The following VEPH1 variants were observed in gnomAD, a reference collection of about 807,000 sequenced individuals.
VEPH1 encodes ventricular zone-expressed PH domain-containing protein homolog 1.
A neutral mutation model predicts 85.2 loss-of-function variants in VEPH1; 80 were observed. That is an observed-to-expected ratio of 0.94 (90% CI 0.78 to 1.13). VEPH1 has a LOEUF of 1.13. Ranked by LOEUF, VEPH1 falls within the 50% of genes most tolerant of loss-of-function variation. VEPH1 has a pLI of 0.00. For missense variants in VEPH1, 955 were observed against 980.5 expected (o/e 0.97, Z 0.35); for synonymous variants, 297 against 348.0 (o/e 0.85, Z 1.63).
chr3:157,434,493 G>C (rs1560057935), intron 4 of VEPH1, among the ~76,000 whole-genome samples: 1 of 151,898 alleles, frequency 6.6e-6, no homozygotes, highest in Non-Finnish European at 1.5e-5. Context: ...TAAATTTTTT[G>C]TGCAGATGAG....
At chr3:157,462,359 C>T (rs1396079926) in intron 3 of VEPH1, among the ~76,000 whole-genome samples, 7 of 151,952 alleles carry the variant, frequency 4.6e-5, no homozygotes, top group Non-Finnish European at 7.4e-5. Flanking sequence ...TAAATAGATG[C>T]AAAAGTTAGT....
At chr3:157,468,576 A>AAAT (rs1229982912) in intron 3 of VEPH1, among the ~76,000 whole-genome samples, 13 of 151,950 alleles carry the variant, frequency 8.6e-5, no homozygotes, top group East Asian at 1.9e-4. Context: ...CTCCATCTCA[A>AAAT]AATAATAATA....
At chr3:157,287,549 A>AT (rs144454109) in intron 11 of VEPH1, among the ~76,000 whole-genome samples, 6,585 of 151,212 alleles carry the variant, frequency 0.044, 299 homozygotes, top group South Asian at 0.19. Flanking sequence ...AGCTACATTG[A>AT]TTTTTTTTTA....
At chr3:157,289,682 T>A (rs903914146) in intron 11 of VEPH1, among the ~76,000 whole-genome samples, 1 of 152,228 alleles carries the variant, frequency 6.6e-6, no homozygotes, top group Non-Finnish European at 1.5e-5. Context: ...CCCTTCTGGG[T>A]CCTGCAGCTT....
chr3:157,288,998 CT>C (rs368137486), intron 11 of VEPH1, among the ~76,000 whole-genome samples: 222 of 151,936 alleles, frequency 1.5e-3, no homozygotes, highest in African/African-American at 5.1e-3. Flanking sequence ...GAAAAAAAGA[CT>C]TTTTTTTTAA....
chr3:157,403,446 T>C (rs549122729), intron 6 of VEPH1, among the ~76,000 whole-genome samples: 9 of 152,194 alleles, frequency 5.9e-5, no homozygotes, highest in African/African-American at 2.2e-4. Context: ...TAAAGGATCT[T>C]TTTTTTCTTT....
chr3:157,408,879 G>C (rs1408243116), intron 6 of VEPH1, among the ~76,000 whole-genome samples: 1 of 152,112 alleles, frequency 6.6e-6, no homozygotes, highest in Non-Finnish European at 1.5e-5. Context: ...GAAGTAGACT[G>C]GACAGGTAAG....
At chr3:157,358,245 G>A (rs1403879882) in intron 9 of VEPH1, among the ~76,000 whole-genome samples, 3 of 152,198 alleles carry the variant, frequency 2.0e-5, no homozygotes, top group African/African-American at 4.8e-5. Context: ...AGAGGTGGGA[G>A]CAGGTAAGTA....
At chr3:157,482,343 C>T (rs1738187102) in intron 2 of VEPH1, among the ~76,000 whole-genome samples, 1 of 152,042 alleles carries the variant, frequency 6.6e-6, no homozygotes, top group South Asian at 2.1e-4. Context: ...TATGCCTAAG[C>T]CTCCCAAAAT....
intron 6 of VEPH1, among the ~76,000 whole-genome samples, chr3:157,382,362 C>T (rs940022674): frequency 1.3e-5 from 2 of 152,124 alleles, no homozygotes; most frequent in Non-Finnish European, 2.9e-5. Context: ...TAAAACTCCT[C>T]ATTAGCCATA....
intron 11 of VEPH1, among the ~76,000 whole-genome samples, chr3:157,295,411 A>G (rs1179902613): frequency 6.6e-6 from 1 of 152,070 alleles, no homozygotes; most frequent in Non-Finnish European, 1.5e-5. Context: ...CATTCTGGGC[A>G]ACAGAGCAAG....
chr3:157,489,924 GA>G (rs1276082113), intron 2 of VEPH1, among the ~76,000 whole-genome samples: 1 of 151,010 alleles, frequency 6.6e-6, no homozygotes. Context: ...AATAGAATTG[GA>G]AAATATAATT....
At chr3:157,264,784 T>C (rs1458621790) in intron 13 of VEPH1, among the ~76,000 whole-genome samples, 1 of 152,198 alleles carries the variant, frequency 6.6e-6, no homozygotes, top group Non-Finnish European at 1.5e-5. Flanking sequence ...ATTATGATTA[T>C]TTTCTAAAAT....
At chr3:157,284,997 C>T (rs1716591482) in intron 12 of VEPH1, 1 of 152,166 alleles carries the variant, frequency 6.6e-6, no homozygotes, top group Non-Finnish European at 1.5e-5. Flanking sequence ...TGAGGCCTCC[C>T]TTGGCCAGAT....
At chr3:157,286,953 T>G (rs1716862143) in intron 11 of VEPH1, among the ~76,000 whole-genome samples, 1 of 152,176 alleles carries the variant, frequency 6.6e-6, no homozygotes, top group Non-Finnish European at 1.5e-5. Flanking sequence ...GCCCAGAATT[T>G]TCTTGCATCT....
chr3:157,378,078 A>G (rs1216707472), intron 7 of VEPH1, among the ~76,000 whole-genome samples: 3 of 152,024 alleles, frequency 2.0e-5, no homozygotes, highest in Non-Finnish European at 4.4e-5. Flanking sequence ...GAAGACACAC[A>G]GTTCAGCTGT....
At chr3:157,265,797 G>T in intron 12 of VEPH1, 135 bp from the exon 13 acceptor site, 1 of 905,978 alleles carries the variant, frequency 1.1e-6, no homozygotes, top group Admixed American at 2.8e-5. Flanking sequence ...TGATGAATTT[G>T]GTTAACCTTT....
At chr3:157,419,587 A>T (rs1471454348) in intron 5 of VEPH1, among the ~76,000 whole-genome samples, 1 of 152,194 alleles carries the variant, frequency 6.6e-6, no homozygotes, top group Non-Finnish European at 1.5e-5. Context: ...AACATCCCTG[A>T]TCATTAGAGA....
intron 1 of VEPH1, among the ~76,000 whole-genome samples, chr3:157,500,908 C>T (rs1740049933): frequency 6.6e-6 from 1 of 152,118 alleles, no homozygotes; most frequent in Non-Finnish European, 1.5e-5. Flanking sequence ...CCTGGAATTC[C>T]TCCTTTGCTC....
Sources: allele counts gnomAD v4.1 joint callset (sites outside exome capture counted in the v4.1 genomes callset), GRCh38; gene constraint gnomAD v4.1.1; transcripts MANE v1.5; gene names NCBI Gene and HGNC (gene_info 2026-07-23, HGNC 2026-07-21).